The following PDE3B variants were observed in gnomAD, a reference collection of about 807,000 sequenced individuals.
PDE3B encodes the protein phosphodiesterase 3B, also known as cGMP-inhibited 3',5'-cyclic phosphodiesterase 3B.
PDE3B carries 66 observed loss-of-function variants against 116.8 expected under a neutral mutation model. The observed-to-expected ratio is 0.56, with a 90% confidence interval of 0.46 to 0.69. PDE3B has a LOEUF of 0.69. Ranked by LOEUF, PDE3B falls within the 30% of genes least tolerant of loss-of-function variation. The pLI is 0.00. For missense variants in PDE3B, 1,384 were observed against 1,368.1 expected (o/e 1.01, Z -0.18); for synonymous variants, 595 against 533.6 (o/e 1.12, Z -1.59).
At chr11:14,727,159 C>T (rs1380017475) in intron 1 of PDE3B, among the ~76,000 whole-genome samples, 1 of 152,056 alleles carries the variant, frequency 6.6e-6, no homozygotes, top group African/African-American at 2.4e-5. Context: ...TATAACTCTT[C>T]AGTAAATTAA....
the PDE3B span, chr11:14,885,807 A>C: frequency 1.2e-6 from 2 of 1,613,276 alleles, no homozygotes; most frequent in Non-Finnish European, 1.7e-6. Flanking sequence ...TGAATAAAGG[A>C]AGGCATGGTC....
intron 1 of PDE3B, among the ~76,000 whole-genome samples, chr11:14,667,459 T>TA (rs903838641): frequency 2.1e-5 from 3 of 143,106 alleles, no homozygotes; most frequent in Admixed American, 7.2e-5. Context: ...TAAATTAAAT[T>TA]AAAAAAAAGA....
At chr11:14,773,514 T>C (rs1857702288) in intron 2 of PDE3B, 1 of 152,168 alleles carries the variant, frequency 6.6e-6, no homozygotes, top group African/African-American at 2.4e-5. Context: ...ACCCTTTCTA[T>C]TACCTCGAAA....
intron 4 of PDE3B, among the ~76,000 whole-genome samples, chr11:14,792,147 T>C (rs1858408231): frequency 6.6e-6 from 1 of 152,088 alleles, no homozygotes; most frequent in Admixed American, 6.6e-5. Flanking sequence ...TGAAACCCAA[T>C]TATTACCTCA....
chr11:14,779,064 A>G (rs979196147), intron 2 of PDE3B, among the ~76,000 whole-genome samples: 1 of 152,156 alleles, frequency 6.6e-6, no homozygotes, highest in African/African-American at 2.4e-5. Flanking sequence ...AGTAGAAGAA[A>G]GGGTGTCAGT....
At position 14,872,024 on chromosome 11, in the gene PDE3B, T is replaced by C. The variant is rs1848148698; in HGVS notation, c.*2364T>C. 6.6e-6 allele frequency: 1 copy of C among 152,218 alleles called. No individual in the cohort carries two copies. The highest frequency in any genetic ancestry group is 1.5e-5 in the Non-Finnish European group (1 of 68,026). 9.4% of individuals were successfully genotyped at this position (152,218 alleles called of 1,614,324 possible). Reference sequence around the variant, plus strand: ...GTACCTACTGACACATTTTTCTCCATAAAAGTACTTTTAAAAATTACTTCA... The same window carrying C: ...GTACCTACTGACACATTTTTCTCCACAAAAGTACTTTTAAAAATTACTTCA... On this transcript the variant is annotated 3_prime_UTR_variant, in exon 16 of 16. Transcript: ENST00000282096.
the PDE3B span, among the ~76,000 whole-genome samples, chr11:14,893,751 C>A: frequency 6.6e-6 from 1 of 152,132 alleles, no homozygotes; most frequent in African/African-American, 2.4e-5. Context: ...ATTGGGCCCA[C>A]CTGGATAATC....
intron 1 of PDE3B, chr11:14,674,162 GC>G: frequency 7.5e-7 from 1 of 1,332,240 alleles, no homozygotes; most frequent in Non-Finnish European, 1.1e-6. Flanking sequence ...TTCCGAGGAG[GC>G]CAAGGAGTCT....
intron 1 of PDE3B, among the ~76,000 whole-genome samples, chr11:14,736,050 A>G (rs1856589267): frequency 6.6e-6 from 1 of 151,890 alleles, no homozygotes; most frequent in Admixed American, 6.6e-5. Flanking sequence ...AGTAGAAGAC[A>G]AGTAATCTAG....
At chr11:14,741,234 C>A (rs1298570649) in intron 1 of PDE3B, among the ~76,000 whole-genome samples, 2 of 152,092 alleles carry the variant, frequency 1.3e-5, no homozygotes, top group Non-Finnish European at 2.9e-5. Flanking sequence ...GTGTCGGAGT[C>A]TAAGTCTCTT....
chr11:14,684,746 A>T lies in PDE3B; in HGVS notation c.978+39693A>T, dbSNP rs537102741. ...GATGCATTCCTTTCCCAGAGTCTTC[A>T]TTATTAATATTCCTTGCTAGGAAAA... is the stretch of plus-strand genomic sequence containing the variant. On this transcript the variant is annotated intron_variant, in intron 1 of 15. Coordinates refer to ENST00000282096, the MANE Select transcript of PDE3B (RefSeq NM_000922.4). Among the ~76,000 whole-genome samples the T allele has an allele frequency of 2.0e-5, 3 of 152,294 alleles. No homozygotes were observed. In the East Asian group the frequency reaches 5.8e-4, roughly 29 times the overall value.
chr11:14,692,705 C>G (rs1855079679), intron 1 of PDE3B, among the ~76,000 whole-genome samples: 1 of 152,130 alleles, frequency 6.6e-6, no homozygotes, highest in South Asian at 2.1e-4. Context: ...GTTCTGACTG[C>G]TCTACCAGCT....
chr11:14,675,142 G>A (rs1191709362), intron 1 of PDE3B, among the ~76,000 whole-genome samples: 1 of 152,166 alleles, frequency 6.6e-6, no homozygotes, highest in Non-Finnish European at 1.5e-5. Context: ...GAAGTTCTCA[G>A]AGTTGGAGTT....
In PDE3B at chr11:14,644,521, G is replaced by C; in HGVS notation, c.446G>C (p.Cys149Ser). 6.2e-7 allele frequency: 1 copy of C among 1,607,918 alleles called. No homozygotes were observed. The highest frequency in any genetic ancestry group is 1.3e-5 in the African/African-American group (1 of 74,826). The change falls in exon 1 of 16, where the codon TGC becomes TCC. Residue 149 changes from cysteine to serine, a missense_variant. Transcript: ENST00000282096. Reference protein sequence around the residue: ...TKRGPGPGRSCGSWWLLALPA... With the variant: ...TKRGPGPGRSSGSWWLLALPA... ...CGGGGACCCGGCCCGGGCCGGAGCTGCGGCTCCTGGTGGCTGCTGGCGCTG... is the reference window on the plus strand; with the variant it reads ...CGGGGACCCGGCCCGGGCCGGAGCTCCGGCTCCTGGTGGCTGCTGGCGCTG...
chr11:14,661,304 T>A (rs186932634), intron 1 of PDE3B, among the ~76,000 whole-genome samples: 1 of 151,908 alleles, frequency 6.6e-6, no homozygotes, highest in East Asian at 1.9e-4. Context: ...ATTAAGAAAA[T>A]GTGGCGGTTA....
chr11:14,837,548 A>T (rs184203330), intron 11 of PDE3B, among the ~76,000 whole-genome samples: 1 of 152,302 alleles, frequency 6.6e-6, no homozygotes, highest in African/African-American at 2.4e-5. Context: ...AGTTTCCAAT[A>T]ACATGTTTCT....
At position 14,786,541 on chromosome 11, in the gene PDE3B, C is replaced by T; in HGVS notation, c.1134C>T (p.Ser378=). 1.9e-6 allele frequency: 3 copies of T among 1,613,286 alleles called. No homozygotes were observed. The highest frequency in any genetic ancestry group is 2.5e-6 in the Non-Finnish European group (3 of 1,179,436). Residue 378 remains serine (S), a synonymous_variant, in exon 3 of 16, where the codon TCC becomes TCT. Transcript: ENST00000282096. The part of the protein sequence containing the change: ...TDPSLPPQVI[S]SLRSISSLMG... ...CAAGCCTTCCACCACAAGTCATTTC[C>T]TCTCTACGGAGTATTAGTAGCTTAA...
At chr11:14,662,123 G>A (rs1471923685) in intron 1 of PDE3B, among the ~76,000 whole-genome samples, 1 of 152,134 alleles carries the variant, frequency 6.6e-6, no homozygotes, top group African/African-American at 2.4e-5. Context: ...CCAGAGGAAC[G>A]ATCAGACAGC....
chr11:14,891,778 C>G, the PDE3B span: 2 of 1,393,708 alleles, frequency 1.4e-6, no homozygotes, highest in Admixed American at 6.5e-5. Flanking sequence ...CCGGCAGGGG[C>G]GGGGCTCCCC....
Sources: gnomAD v4.1 joint callset for allele counts (sites outside exome capture counted in the v4.1 genomes callset) on GRCh38, gnomAD v4.1.1 for gene constraint, MANE v1.5 for transcripts, NCBI Gene and HGNC (gene_info 2026-07-23, HGNC 2026-07-21) for gene names.